Variants in TECPR1 observed in about 807,000 individuals in gnomAD.
TECPR1 encodes tectonin beta-propeller repeat containing 1, also known as tectonin beta-propeller repeat-containing protein 1.
Under a neutral mutation model 162.4 loss-of-function variants are expected in TECPR1, and 122 were observed. The observed-to-expected ratio is 0.75, with a 90% confidence interval of 0.65 to 0.87. The LOEUF (loss-of-function observed/expected upper bound fraction) is 0.87. TECPR1 is among the 40% of genes least tolerant of loss of function. TECPR1 has a pLI of 0.00. For synonymous variants in TECPR1, 642 were observed against 670.6 expected, an observed-to-expected ratio of 0.96 and a Z score of 0.66; for missense variants, 1,432 against 1,618.2, an observed-to-expected ratio of 0.88 and a Z score of 1.97.
At chr7:98,220,502 G>A (rs1234391027) in intron 23 of TECPR1, among the ~76,000 whole-genome samples, 1 of 147,574 alleles carries the variant, frequency 6.8e-6, no homozygotes, top group African/African-American at 2.5e-5. Context: ...CCAGGTTCAA[G>A]CGATTCTCCT....
Position 98,217,697 on chromosome 7 carries a change from T to A in TECPR1, c.3379A>T (p.Ile1127Phe), listed in dbSNP as rs1474891614. 4 of 1,543,718 alleles carry A rather than the reference T, an allele frequency of 2.6e-6. No homozygotes were observed. The African/African-American group carries it at 5.5e-5, about 21-fold the overall frequency. ...EPKGHGWDYG[I>F]GGGWDHISVR... is the part of the protein sequence containing the mutation. ...AGGCCGCGGGCCCCGCTCACCCCGA[T>A]GCCGTAGTCCCAGCCGTGGCCCTTG... The change falls in exon 25 of 26, where the codon ATC (isoleucine) becomes TTC (phenylalanine). Residue 1127 changes from isoleucine to phenylalanine, a missense_variant. Physicochemically the swap from Ile to Phe is conservative, Grantham distance 21. Coordinates refer to ENST00000447648, the MANE Select transcript of TECPR1 (RefSeq NM_015395.3).
At chr7:98,221,455 A>G (rs1026951158) in intron 23 of TECPR1, among the ~76,000 whole-genome samples, 1 of 149,964 alleles carries the variant, frequency 6.7e-6, no homozygotes, top group South Asian at 2.1e-4. Flanking sequence ...AAATATACAC[A>G]CCCACTCTGT....
intron 2 of TECPR1, among the ~76,000 whole-genome samples, chr7:98,246,455 C>G (rs901559136): frequency 6.6e-6 from 1 of 151,880 alleles, no homozygotes; most frequent in Non-Finnish European, 1.5e-5. Flanking sequence ...TTAGTAGAGA[C>G]GGGGTTTCGC....
chr7:98,249,446 G>C (rs1040542332), intron 2 of TECPR1, among the ~76,000 whole-genome samples: 1 of 152,142 alleles, frequency 6.6e-6, no homozygotes, highest in African/African-American at 2.4e-5. Context: ...CAGAACACCA[G>C]CTTTCTGGAA....
intron 15 of TECPR1, 70 bp downstream of exon 15, chr7:98,230,891 C>T: frequency 6.5e-7 from 1 of 1,543,298 alleles, no homozygotes. Context: ...TCCTCTGGAT[C>T]CCCCTTCTGT....
At chr7:98,223,799 C>A in intron 19 of TECPR1, 81 bp from the exon 20 acceptor site, 1 of 1,486,950 alleles carries the variant, frequency 6.7e-7, no homozygotes, top group South Asian at 1.1e-5. Context: ...CATTCTTGTT[C>A]TACCCGTTAC....
chr7:98,235,851 A>AAAAAAAAAAAAAAAAAAAAAACAACAC (rs1554401451), intron 10 of TECPR1, among the ~76,000 whole-genome samples: 6 of 147,350 alleles, frequency 4.1e-5, no homozygotes, highest in Non-Finnish European at 6.0e-5. Context: ...AAAAAAAAAA[A>AAAAAAAAAAAAAAAAAAAAAACAACAC]CACCATCTGA....
At chr7:98,251,251 C>A (rs1238554470) in intron 2 of TECPR1, 143 bp downstream of exon 2, 1 of 152,130 alleles carries the variant, frequency 6.6e-6, no homozygotes. Context: ...AAGGTCTGCT[C>A]GCCACCCTCA....
intron 6 of TECPR1, among the ~76,000 whole-genome samples, chr7:98,242,363 C>A (rs2116614943): frequency 6.6e-6 from 1 of 152,210 alleles, no homozygotes; most frequent in South Asian, 2.1e-4. Context: ...TTCACAAACT[C>A]CTTGAGACAG....
chr7:98,237,020 C>T, intron 9 of TECPR1, 99 bp from the exon 10 acceptor site: 2 of 1,333,396 alleles, frequency 1.5e-6, no homozygotes, highest in Non-Finnish European at 2.0e-6. Context: ...CCTCCATGTG[C>T]AGGTGTGTGT....
Position 98,224,867 on chromosome 7 carries a change from A to C in TECPR1, c.2624T>G (p.Phe875Cys), listed in dbSNP as rs763593667. The C allele has an allele frequency of 2.6e-6, 4 of 1,564,022 alleles. No homozygotes were observed. The Admixed American group carries it at 7.6e-5, about 30-fold the overall frequency. ...GCCCCCCGGAACGCTGAAATCCACG[A>C]ACCAGTCGGAAACCTGGGAGGAGTG... ...SLQWAWVSDW[F>C]VDFSVPGGTD... Residue 875 changes from phenylalanine to cysteine, a missense_variant, in exon 19 of 26, where the codon TTC becomes TGC. By Grantham distance (205) the Phe-to-Cys change is radical. Transcript: ENST00000447648.
chr7:98,248,043 C>T (rs1798957266), intron 2 of TECPR1, among the ~76,000 whole-genome samples: 1 of 152,190 alleles, frequency 6.6e-6, no homozygotes, highest in Non-Finnish European at 1.5e-5. Flanking sequence ...TCTTCTTTCT[C>T]TGTGCTTTGT....
chr7:98,238,424 A>C, intron 9 of TECPR1, 85 bp downstream of exon 9: 1 of 1,101,420 alleles, frequency 9.1e-7, no homozygotes, highest in Non-Finnish European at 1.4e-6. Flanking sequence ...CTACAGTGGG[A>C]AGCGGCCACT....
At position 98,217,782 on chromosome 7, in the gene TECPR1, G is replaced by T; in HGVS notation, c.3294C>A (p.Gly1098=). 6.4e-7 allele frequency: 1 copy of T among 1,550,992 alleles called. No individual in the cohort carries two copies. The highest frequency in any genetic ancestry group is 2.4e-5 in the East Asian group (1 of 40,914). The part of the protein sequence containing the change: ...QVWVIANKVQ[G]SHSLSRGTVC... ...CTGTCCCCCGGCTCAGGCTGTGGCTGCCCTGCACTTTGTTGGCGATCACCC... is the reference window on the plus strand; with the variant it reads ...CTGTCCCCCGGCTCAGGCTGTGGCTTCCCTGCACTTTGTTGGCGATCACCC... The change falls in exon 25 of 26, where the codon GGC becomes GGA. Residue 1098 remains glycine (G), a synonymous_variant. Transcript: ENST00000447648.
intron 2 of TECPR1, among the ~76,000 whole-genome samples, chr7:98,247,327 G>A (rs1584361006): frequency 6.6e-6 from 1 of 151,740 alleles, no homozygotes; most frequent in East Asian, 1.9e-4. Context: ...TTTTTGTAGA[G>A]ACAGAGTCTC....
Position 98,232,759 on chromosome 7 carries a change from A to C in TECPR1, c.1818+68T>G. On this transcript the variant is annotated intron_variant, in intron 12 of 25. Transcript: ENST00000447648. This position sits in a 1 kb window ranked among gnomAD's most constrained non-coding sequence, Gnocchi z 4.6. ...TCTGTTTCTCTCAGAGCTGGTACAC[A>C]GCAGGCGCTCAATGAATGATTGCTG... 6.8e-7 allele frequency: 1 copy of C among 1,474,236 alleles called. No homozygotes were observed. The highest frequency in any genetic ancestry group is 9.0e-7 in the Non-Finnish European group (1 of 1,112,584). 91.3% of individuals were successfully genotyped at this position (1,474,236 alleles called of 1,614,324 possible).
intron 2 of TECPR1, among the ~76,000 whole-genome samples, chr7:98,248,369 A>C (rs1327455541): frequency 6.6e-6 from 1 of 151,956 alleles, no homozygotes; most frequent in Non-Finnish European, 1.5e-5. Context: ...TCTGACTTAA[A>C]AACCGGAGCA....
Position 98,233,839 on chromosome 7 carries a change from C to T in TECPR1, c.1254G>A (p.Ser418=), listed in dbSNP as rs768822637. 16 of 1,586,402 alleles carry T rather than the reference C, an allele frequency of 1.0e-5. No individual in the cohort carries two copies. In the Admixed American group the frequency reaches 1.3e-4, roughly 12 times the overall value. The change falls in exon 11 of 26, where the codon TCG becomes TCA. Residue 418 remains serine, a synonymous_variant. Coordinates refer to ENST00000447648, the MANE Select transcript of TECPR1 (RefSeq NM_015395.3). ...ESAPSDTDAS[S]EVERPGPGQI... ...GGCCAGGCCCTGGTCTCTCGACTTC[C>T]GAGGAGGCATCGGTGTCGCTGGGGG...
intron 6 of TECPR1, 36 bp downstream of exon 6, chr7:98,243,431 G>A (rs757164738): frequency 3.9e-5 from 62 of 1,609,690 alleles, no homozygotes; most frequent in African/African-American, 6.7e-5. Flanking sequence ...AGGTGGGATC[G>A]TGGGGAGCCA....
Sources: gnomAD v4.1 joint callset for allele counts (sites outside exome capture counted in the v4.1 genomes callset) on GRCh38, gnomAD v4.1.1 for gene constraint, Gnocchi (gnomAD v3.1) non-coding constraint, MANE v1.5 for transcripts, NCBI Gene and HGNC (gene_info 2026-07-23, HGNC 2026-07-21) for gene names.